The following IMPG1 variants were observed in gnomAD, a reference collection of about 807,000 sequenced individuals.
IMPG1 encodes interphotoreceptor matrix proteoglycan of 150 kDa.
IMPG1 carries 85 observed loss-of-function variants against 92.0 expected under a neutral mutation model. The ratio of observed to expected loss-of-function variants is 0.92; its 90% CI spans 0.78 to 1.11. The LOEUF is 1.11. IMPG1 is among the 50% of genes least tolerant of loss of function. IMPG1 has a pLI of 0.00. For missense variants in IMPG1, 1,022 were observed against 956.0 expected (o/e 1.07, Z -0.91); for synonymous variants, 367 against 334.1 (o/e 1.10, Z -1.08).
chr6:75,987,702 T>C (rs1039851957), intron 12 of IMPG1, among the ~76,000 whole-genome samples: 5 of 151,308 alleles, frequency 3.3e-5, no homozygotes, highest in African/African-American at 4.9e-5. Flanking sequence ...TGGAGTGCAG[T>C]GGTGCGATCT....
chr6:75,956,417 G>A (rs979037976), intron 12 of IMPG1, among the ~76,000 whole-genome samples: 13 of 152,160 alleles, frequency 8.5e-5, no homozygotes, highest in African/African-American at 3.1e-4. Flanking sequence ...ATGGTAGTCT[G>A]TATTTCTGTG....
intron 12 of IMPG1, among the ~76,000 whole-genome samples, chr6:75,984,788 A>G (rs1241143450): frequency 6.6e-6 from 1 of 152,150 alleles, no homozygotes; most frequent in Non-Finnish European, 1.5e-5. Context: ...GCTAGGATTG[A>G]GTTCTTGCTC....
chr6:76,026,509 C>G (rs1582114065), intron 4 of IMPG1, among the ~76,000 whole-genome samples: 1 of 152,292 alleles, frequency 6.6e-6, no homozygotes, highest in South Asian at 2.1e-4. Context: ...CCCCGCTGCT[C>G]TCCCCTCCCT....
At chr6:76,062,442 G>T (rs1333748874) in intron 1 of IMPG1, among the ~76,000 whole-genome samples, 1 of 152,150 alleles carries the variant, frequency 6.6e-6, no homozygotes, top group African/African-American at 2.4e-5. Flanking sequence ...CAAAAAGGCT[G>T]ATATAAAATT....
At chr6:76,028,599 G>A (rs1398885106) in intron 4 of IMPG1, among the ~76,000 whole-genome samples, 3 of 152,190 alleles carry the variant, frequency 2.0e-5, no homozygotes, top group Admixed American at 2.0e-4. Context: ...GGAGGCCGAG[G>A]CGGGTGGATC....
intron 13 of IMPG1, among the ~76,000 whole-genome samples, chr6:75,948,154 T>C (rs1038525733): frequency 2.6e-5 from 4 of 152,198 alleles, no homozygotes; most frequent in Non-Finnish European, 5.9e-5. Context: ...AACCACTGTG[T>C]TGTACCTCAG....
intron 4 of IMPG1, among the ~76,000 whole-genome samples, chr6:76,025,815 G>A (rs1433728252): frequency 6.6e-6 from 1 of 152,158 alleles, no homozygotes; most frequent in Non-Finnish European, 1.5e-5. Context: ...TTGGGGGTAG[G>A]TTCTCAGTGC....
At chr6:75,925,190 A>G (rs956188535) in intron 15 of IMPG1, among the ~76,000 whole-genome samples, 9 of 152,182 alleles carry the variant, frequency 5.9e-5, no homozygotes, top group African/African-American at 2.2e-4. Context: ...TCATTGCACA[A>G]TGTATACATG....
rs899747012 is a variant in IMPG1 at position 75,921,295 on chromosome 6, T to C, written c.*794A>G. The stretch of plus-strand genomic sequence containing the variant: ...ACACTAAAGTTGGTGTGAGGAAATA[T>C]TCTGAAGTTATTATAGGAAGACATT... On this transcript the variant is annotated 3_prime_UTR_variant, in exon 17 of 17. Coordinates refer to ENST00000369950, the MANE Select transcript of IMPG1 (RefSeq NM_001563.4). 4 of 152,180 alleles carry C rather than the reference T, an allele frequency of 2.6e-5. No individual in the cohort carries two copies. Among genetic ancestry groups the C allele is most frequent in the Non-Finnish European group, 5.9e-5 (4 of 68,032 alleles). The allele number at this position is 152,180 out of a possible 1,614,324, so 9.4% of individuals were successfully genotyped here. A position where few individuals can be genotyped will look rare whatever the true frequency, so the allele number is the denominator to read the frequency against.
chr6:75,942,891 A>G (rs913297895), intron 14 of IMPG1, among the ~76,000 whole-genome samples: 1 of 152,248 alleles, frequency 6.6e-6, no homozygotes. Flanking sequence ...CTAAAATTGT[A>G]TAGGAGTACT....
intron 5 of IMPG1, among the ~76,000 whole-genome samples, chr6:76,024,082 T>C (rs1444583912): frequency 1.3e-5 from 2 of 152,172 alleles, no homozygotes; most frequent in Non-Finnish European, 2.9e-5. Context: ...TAAAAATGCA[T>C]TTTACTGTCA....
chr6:76,048,999 C>T (rs1171242491), intron 1 of IMPG1, among the ~76,000 whole-genome samples: 1 of 152,110 alleles, frequency 6.6e-6, no homozygotes, highest in African/African-American at 2.4e-5. Flanking sequence ...ACTTATATAC[C>T]ATGGACTACT....
intron 14 of IMPG1, among the ~76,000 whole-genome samples, chr6:75,936,523 A>G (rs1781748644): frequency 6.6e-6 from 1 of 152,228 alleles, no homozygotes; most frequent in Non-Finnish European, 1.5e-5. Context: ...AATTAAGTTA[A>G]CAAGAGTTCT....
At chr6:75,991,487 A>T (rs775345778) in intron 12 of IMPG1, among the ~76,000 whole-genome samples, 11 of 152,134 alleles carry the variant, frequency 7.2e-5, no homozygotes, top group Non-Finnish European at 1.5e-4. Context: ...AGGGAACATG[A>T]TACAGAAACC....
chr6:76,019,244 GCA>G (rs1783372549), intron 6 of IMPG1, among the ~76,000 whole-genome samples: 1 of 152,166 alleles, frequency 6.6e-6, no homozygotes, highest in Non-Finnish European at 1.5e-5. Flanking sequence ...CTGGAAACCA[GCA>G]GGGGTTTCTC....
chr6:76,053,362 G>A (rs1338985457), intron 1 of IMPG1, among the ~76,000 whole-genome samples: 3 of 152,180 alleles, frequency 2.0e-5, no homozygotes, highest in Non-Finnish European at 4.4e-5. Flanking sequence ...GCATGAGCCG[G>A]AGGAAGATTC....
At chr6:76,007,924 G>C (rs1450357805) in intron 8 of IMPG1, among the ~76,000 whole-genome samples, 1 of 152,202 alleles carries the variant, frequency 6.6e-6, no homozygotes, top group East Asian at 1.9e-4. Context: ...GGCATTAAAT[G>C]ATTAGTTTAT....
intron 12 of IMPG1, among the ~76,000 whole-genome samples, chr6:75,974,404 C>CTTTCCTTCCTTCCTTCCTTCCTTG (rs1562354924): frequency 0.012 from 1,246 of 107,850 alleles, 71 homozygotes; most frequent in East Asian, 0.018. Context: ...TTCTTTCTTT[C>CTTTCCTTCCTTCCTTCCTTCCTTG]CTTCCTTCCT....
rs532433324 is a variant in IMPG1 at position 75,936,823 on chromosome 6, T to C, written c.2045-5672A>G. On this transcript the variant is annotated intron_variant, in intron 14 of 16. Coordinates refer to ENST00000369950, the MANE Select transcript of IMPG1 (RefSeq NM_001563.4). Reference sequence around the variant, plus strand: ...GGGAGAATTCTGACACTGGGGGAGCTGGGAGGAGGCCCTGCAGCTGGGCTA... The same window carrying C: ...GGGAGAATTCTGACACTGGGGGAGCCGGGAGGAGGCCCTGCAGCTGGGCTA... 4.6e-5 allele frequency among the ~76,000 whole-genome samples: 7 copies of C among 152,204 alleles called. No homozygotes were observed. In the East Asian group the frequency reaches 1.2e-3, roughly 25 times the overall value.
Sources: gnomAD v4.1 joint callset for allele counts (sites outside exome capture counted in the v4.1 genomes callset) on GRCh38, gnomAD v4.1.1 for gene constraint, MANE v1.5 for transcripts, NCBI Gene and HGNC (gene_info 2026-07-23, HGNC 2026-07-21) for gene names.